The following MARK4 variants were observed in gnomAD, a reference collection of about 807,000 sequenced individuals.
The protein encoded by MARK4 is MAP/microtubule affinity-regulating kinase 4.
In MARK4, 19 loss-of-function variants were observed where a neutral mutation model predicts 81.5. The ratio of observed to expected loss-of-function variants is 0.23; its 90% CI spans 0.16 to 0.34. The LOEUF (loss-of-function observed/expected upper bound fraction) is 0.34, where lower values mean the gene tolerates loss of function less well. Ranked by LOEUF, MARK4 falls within the 10% of genes least tolerant of loss-of-function variation. MARK4 has a pLI of 1.00. For missense variants in MARK4, 772 were observed against 1,058.8 expected (o/e 0.73, Z 3.76); for synonymous variants, 436 against 439.0 (o/e 0.99, Z 0.08).
chr19:45,253,575 A>G (rs1970271414), intron 1 of MARK4, among the ~76,000 whole-genome samples: 1 of 152,144 alleles, frequency 6.6e-6, no homozygotes, highest in South Asian at 2.1e-4. Flanking sequence ...TGTGGGTATG[A>G]GTCAGACAGC....
chr19:45,263,072 G>T, intron 2 of MARK4, 41 bp from the exon 3 acceptor site: 1 of 1,579,616 alleles, frequency 6.3e-7, no homozygotes, highest in Non-Finnish European at 8.6e-7. Flanking sequence ...AGTGGGGCTT[G>T]TGGCACCTTG....
chr19:45,268,300 A>T (rs115047979), intron 7 of MARK4, among the ~76,000 whole-genome samples: 1 of 151,724 alleles, frequency 6.6e-6, no homozygotes, highest in African/African-American at 2.4e-5. Context: ...GTAAAAAATT[A>T]GCTTGGCTGG....
intron 8 of MARK4, among the ~76,000 whole-genome samples, chr19:45,277,196 G>A (rs1970609194): frequency 6.6e-6 from 1 of 151,896 alleles, no homozygotes; most frequent in African/African-American, 2.4e-5. Context: ...TCGTGCCTCA[G>A]CCTCCCAAGT....
chr19:45,260,901 G>C (rs1476387126), intron 2 of MARK4, among the ~76,000 whole-genome samples: 4 of 152,102 alleles, frequency 2.6e-5, no homozygotes. Context: ...AGGCATCTGT[G>C]CTGAGTATGG....
At position 45,302,483 on chromosome 19, in the gene MARK4, C is replaced by T. The variant is rs776978146; in HGVS notation, c.2032C>T (p.Arg678Cys). The part of the protein sequence containing the change: ...RPPEALMAAL[R>C]QATAAARCRC... ...TCCTGAGGCCCTGATGGCAGCTCTG[C>T]GCCAGGCCACAGCAGCCGCCCGCTG... Residue 678 changes from arginine (R) to cysteine (C), a missense_variant, in exon 17 of 17, where the codon CGC (arginine) becomes TGC (cysteine). Around this residue, in one of 3 missense-constraint regions of MARK4, gnomAD observed 548 missense variants for 624.3 expected, o/e 0.88. Coordinates refer to ENST00000262891, the MANE Select transcript of MARK4 (RefSeq NM_001199867.2). The surrounding 1 kb of genome is among the most constrained non-coding windows in gnomAD (Gnocchi z 4.9). 9.9e-6 allele frequency: 16 copies of T among 1,610,742 alleles called. No individual in the cohort carries two copies. The South Asian group carries it at 1.3e-4, about 13-fold the overall frequency.
intron 2 of MARK4, among the ~76,000 whole-genome samples, chr19:45,261,604 G>T (rs917209521): frequency 6.6e-6 from 1 of 152,160 alleles, no homozygotes; most frequent in African/African-American, 2.4e-5. Context: ...TTCTGAGAGG[G>T]ACCTGGCCCC....
chr19:45,287,750 G>A (rs574059716), intron 13 of MARK4, 86 bp downstream of exon 13: 5 of 1,438,516 alleles, frequency 3.5e-6, no homozygotes, highest in Non-Finnish European at 2.9e-6. Context: ...TTCCCCAGAC[G>A]GAACTCCTTC....
At chr19:45,277,859 G>GTA in intron 8 of MARK4, 64 bp from the exon 9 acceptor site, 1 of 1,467,400 alleles carries the variant, frequency 6.8e-7, no homozygotes, top group Non-Finnish European at 9.3e-7. Flanking sequence ...GTGTGTGTGT[G>GTA]TGTGTGTGTG....
chr19:45,258,592 C>T (rs952092794), intron 1 of MARK4, among the ~76,000 whole-genome samples: 6 of 151,708 alleles, frequency 4.0e-5, no homozygotes, highest in Admixed American at 1.3e-4. Context: ...CCCAGCTGCT[C>T]GGGAGGCTGA....
chr19:45,278,117 C>T, intron 9 of MARK4, 75 bp downstream of exon 9: 2 of 1,580,972 alleles, frequency 1.3e-6, no homozygotes, highest in Non-Finnish European at 1.7e-6. Context: ...CCCCCACCCA[C>T]AAAAGCCTTC....
rs779327552 is a variant in MARK4 at position 45,266,212 on chromosome 19, C to T, written c.493-13C>T. ...GGGAGCCACAAATAACCAACCTTCCCCTTCCCTCCCAGATTGTTTCGGCTG... is the reference window on the plus strand; with the variant it reads ...GGGAGCCACAAATAACCAACCTTCCTCTTCCCTCCCAGATTGTTTCGGCTG... On this transcript the variant is annotated splice_polypyrimidine_tract_variant and intron_variant, in intron 6 of 16. Transcript: ENST00000262891. 6.2e-7 allele frequency: 1 copy of T among 1,613,700 alleles called. No individual in the cohort carries two copies.
At chr19:45,285,470 G>A (rs1027850867) in intron 12 of MARK4, among the ~76,000 whole-genome samples, 3 of 152,088 alleles carry the variant, frequency 2.0e-5, no homozygotes, top group Admixed American at 2.0e-4. Flanking sequence ...AGGGAGGAGA[G>A]AGGTGTCAGG....
rs1233824784 is a variant in MARK4, at chr19:45,280,429, C to G, written c.1062C>G (p.Ser354Arg). The G allele has an allele frequency of 6.2e-7, 1 of 1,614,060 alleles. No homozygotes were observed. The highest frequency in any genetic ancestry group is 8.5e-7 in the Non-Finnish European group (1 of 1,180,028). Residue 354 changes from serine to arginine, a missense_variant, in exon 11 of 17, where the codon AGC (serine) becomes AGG (arginine). Physicochemically the swap from Ser to Arg is moderately radical, Grantham distance 110. Transcript: ENST00000262891. ...TREEIKESLT[S>R]QKYNEVTATY... is the part of the protein sequence containing the mutation. ...AAGAAATCAAAGAGTCCTTGACCAG[C>G]CAGAAGTACAACGAAGTGACCGCCA... is the stretch of plus-strand genomic sequence containing the variant.
chr19:45,280,088 C>T (rs891702942), intron 10 of MARK4: 3 of 377,246 alleles, frequency 8.0e-6, no homozygotes, highest in East Asian at 6.0e-5. Context: ...GTGGCTTATG[C>T]CTGTAATCCC....
At chr19:45,270,820 G>C (rs1225160332) in intron 7 of MARK4, among the ~76,000 whole-genome samples, 1 of 152,126 alleles carries the variant, frequency 6.6e-6, no homozygotes, top group Non-Finnish European at 1.5e-5. Context: ...GCCCAGGCTG[G>C]AGTGCAATGG....
intron 1 of MARK4, among the ~76,000 whole-genome samples, chr19:45,257,307 A>C (rs769735706): frequency 2.0e-4 from 30 of 151,830 alleles, no homozygotes; most frequent in Non-Finnish European, 4.0e-4. Flanking sequence ...AAGTATGTAC[A>C]TTGTTTTTAT....
chr19:45,276,519 G>A (rs187008555), intron 8 of MARK4, among the ~76,000 whole-genome samples: 200 of 152,206 alleles, frequency 1.3e-3, no homozygotes, highest in African/African-American at 4.6e-3. Context: ...GGGGAGAGAC[G>A]AGAAGGCAGG....
intron 2 of MARK4, among the ~76,000 whole-genome samples, chr19:45,260,692 C>T (rs560001616): frequency 2.3e-5 from 3 of 127,828 alleles, no homozygotes; most frequent in Admixed American, 2.2e-4. Context: ...GCAAGACCAT[C>T]TCAAAAAATA....
At chr19:45,259,244 C>T (rs1002961211) in intron 2 of MARK4, 55 bp downstream of exon 2, 23 of 1,586,484 alleles carry the variant, frequency 1.4e-5, no homozygotes, top group African/African-American at 4.0e-5. Context: ...ACCAGGTCTT[C>T]GGTGTATGTT....
Sources: allele counts gnomAD v4.1 joint callset (sites outside exome capture counted in the v4.1 genomes callset), GRCh38; gene constraint gnomAD v4.1.1; regional missense constraint gnomAD v4.1.1; non-coding constraint Gnocchi (gnomAD v3.1); transcripts MANE v1.5; gene names NCBI Gene and HGNC (gene_info 2026-07-23, HGNC 2026-07-21).